The following APC variants were observed in gnomAD, a reference collection of about 807,000 sequenced individuals.
The protein encoded by APC is adenomatous polyposis coli protein.
APC carries 72 observed loss-of-function variants against 247.0 expected under a neutral mutation model. The ratio of observed to expected loss-of-function variants is 0.29; its 90% CI spans 0.24 to 0.35. The LOEUF (loss-of-function observed/expected upper bound fraction) is 0.35, where lower values mean the gene tolerates loss of function less well. Ranked by LOEUF, APC falls within the 10% of genes least tolerant of loss-of-function variation. The pLI is 1.00. For missense variants in APC, 3,400 were observed against 3,360.7 expected (o/e 1.01, Z -0.29); for synonymous variants, 1,254 against 1,162.5 (o/e 1.08, Z -1.60).
intron 1 of APC, among the ~76,000 whole-genome samples, chr5:112,742,019 C>G (rs1460788604): frequency 6.6e-6 from 1 of 152,180 alleles, no homozygotes; most frequent in Non-Finnish European, 1.5e-5. Flanking sequence ...GTTCATTCAT[C>G]TGTCAGTGGA....
At chr5:112,809,348 C>CA (rs1761745903) in intron 8 of APC, among the ~76,000 whole-genome samples, 1 of 151,480 alleles carries the variant, frequency 6.6e-6, no homozygotes, top group South Asian at 2.1e-4. Flanking sequence ...GACCCTGTCT[C>CA]AAAAAAATAA....
chr5:112,845,469 A>G lies in APC; in HGVS notation c.*1343A>G, dbSNP rs1766904910. On this transcript the variant is annotated 3_prime_UTR_variant, in exon 16 of 16. Coordinates refer to ENST00000257430, the MANE Select transcript of APC (RefSeq NM_000038.6). The stretch of plus-strand genomic sequence containing the variant: ...TCTTCTTGTTGCAACTGGGTCTGAC[A>G]TGAACACTTTTTATCACCCTGTATG... 1 of 233,206 alleles carries G rather than the reference A, an allele frequency of 4.3e-6. No homozygotes were observed. The highest frequency in any genetic ancestry group is 1.8e-4 in the South Asian group (1 of 5,528). 14.4% of individuals were successfully genotyped at this position (233,206 alleles called of 1,614,324 possible). A position where few individuals can be genotyped will look rare whatever the true frequency, so the allele number is the denominator to read the frequency against.
Position 112,767,365 on chromosome 5 carries a change from T to C in APC, c.397T>C (p.Tyr133His). 1 of 1,614,072 alleles carries C rather than the reference T, an allele frequency of 6.2e-7. No individual in the cohort carries two copies. Among genetic ancestry groups the C allele is most frequent in the South Asian group, 1.1e-5 (1 of 91,070 alleles). ...AAATGGAAGCAGAGAAAGTACTGGA[T>C]ATTTAGAAGAACTTGAGAAAGAGAG... ...FVNGSRESTGYLEELEKERSL... is the reference protein window; with the variant it reads ...FVNGSRESTGHLEELEKERSL... Residue 133 changes from tyrosine (Y) to histidine (H), a missense_variant, in exon 4 of 16, where the codon TAT (tyrosine) becomes CAT (histidine). Tyr to His is a moderately conservative substitution (Grantham distance 83). Transcript: ENST00000257430.
chr5:112,799,556 C>G (rs1029180690), intron 7 of APC, among the ~76,000 whole-genome samples: 2 of 152,082 alleles, frequency 1.3e-5, no homozygotes, highest in Non-Finnish European at 1.5e-5. Context: ...TATGTTTCCT[C>G]CCTACTTAGA....
intron 1 of APC, among the ~76,000 whole-genome samples, chr5:112,718,709 T>C (rs1751316711): frequency 6.6e-6 from 1 of 152,278 alleles, no homozygotes; most frequent in Non-Finnish European, 1.5e-5. Context: ...TTGGTGCTGT[T>C]AAGATCATTT....
At position 112,845,854 on chromosome 5, in the gene APC, AT is replaced by A. The variant is rs1561628299; in HGVS notation, c.*1730del. On this transcript the variant is annotated 3_prime_UTR_variant, in exon 16 of 16. Coordinates refer to ENST00000257430, the MANE Select transcript of APC (RefSeq NM_000038.6). ...ATGAAAATTTATTTTTAGTGATAAG[AT>A]TCATACACTCTGTATTTGGGGAGGG... is the stretch of plus-strand genomic sequence containing the variant. 4.3e-6 allele frequency: 1 copy of A among 232,234 alleles called. No homozygotes were observed. Among genetic ancestry groups the A allele is most frequent in the Non-Finnish European group, 8.5e-6 (1 of 117,516 alleles). The allele number at this position is 232,234 out of a possible 1,614,324, so 14.4% of individuals were successfully genotyped here.
At chr5:112,812,007 G>GTTCC (rs1762033957) in intron 8 of APC, among the ~76,000 whole-genome samples, 1 of 152,268 alleles carries the variant, frequency 6.6e-6, no homozygotes, top group South Asian at 2.1e-4. Context: ...AGAGACATCA[G>GTTCC]TTCCTTGTTA....
In APC at chr5:112,749,462, T is replaced by G. The variant is rs1754049347; in HGVS notation, c.-18-5411T>G. Among the ~76,000 whole-genome samples, 4 of 150,784 alleles carry G rather than the reference T, an allele frequency of 2.7e-5. No individual in the cohort carries two copies. The South Asian group carries it at 8.4e-4, about 31-fold the overall frequency. ...ATTTGGAGGAGGAGGGGAAAGATATTAATACTTACTGCTCCAATTTTTTTT... is the reference window on the plus strand; with the variant it reads ...ATTTGGAGGAGGAGGGGAAAGATATGAATACTTACTGCTCCAATTTTTTTT... On this transcript the variant is annotated intron_variant, in intron 1 of 15. Coordinates refer to ENST00000257430, the MANE Select transcript of APC (RefSeq NM_000038.6).
chr5:112,747,242 G>GC (rs1395269477), intron 1 of APC, among the ~76,000 whole-genome samples: 3 of 29,728 alleles, frequency 1.0e-4, no homozygotes, highest in East Asian at 5.1e-3. Flanking sequence ...TTTTTCTTGA[G>GC]GGGGGAAAAC....
At chr5:112,778,011 G>T (rs1304302450) in intron 5 of APC, 2 of 196,314 alleles carry the variant, frequency 1.0e-5, no homozygotes, top group African/African-American at 4.7e-5. Context: ...AGGTTCCCAA[G>T]TGTTGTCAAC....
At chr5:112,806,301 A>T (rs1761372198) in intron 8 of APC, among the ~76,000 whole-genome samples, 1 of 152,208 alleles carries the variant, frequency 6.6e-6, no homozygotes, top group Admixed American at 6.5e-5. Context: ...ACTAGACTGT[A>T]AGCTCCAGAA....
At chr5:112,710,768 C>G (rs993947781) in intron 1 of APC, among the ~76,000 whole-genome samples, 1 of 152,134 alleles carries the variant, frequency 6.6e-6, no homozygotes, top group Admixed American at 6.5e-5. Context: ...CTTTTAAAAC[C>G]ACTTTAGTAG....
rs113729520 is a variant in APC at position 112,814,578 on chromosome 5, A to G, written c.835-917A>G. Among the ~76,000 whole-genome samples the G allele has an allele frequency of 8.1e-3, 1,232 of 152,218 alleles. 12 individuals carry two copies. Among genetic ancestry groups the G allele is most frequent in the African/African-American group, 0.028 (1,149 of 41,524 alleles). On this transcript the variant is annotated intron_variant, in intron 8 of 15. Transcript: ENST00000257430. ...CCTTCAAGAGCATCCCCACTTCTCT[A>G]TTCTCACTGCCTTAGTTTGTGCCCT...
intron 2 of APC, among the ~76,000 whole-genome samples, chr5:112,757,819 A>T (rs930815119): frequency 1.3e-5 from 2 of 152,258 alleles, no homozygotes; most frequent in Non-Finnish European, 2.9e-5. Flanking sequence ...ATTTGATTAT[A>T]TGTGTCTTTG....
At chr5:112,752,185 A>G (rs1210346306) in intron 1 of APC, among the ~76,000 whole-genome samples, 1 of 152,114 alleles carries the variant, frequency 6.6e-6, no homozygotes, top group Non-Finnish European at 1.5e-5. Context: ...CTGCCTTCTT[A>G]TTCATATTTT....
intron 8 of APC, among the ~76,000 whole-genome samples, chr5:112,811,137 A>C (rs1761943483): frequency 6.6e-6 from 1 of 152,230 alleles, no homozygotes; most frequent in South Asian, 2.1e-4. Context: ...AAAGCATTGA[A>C]TGTGGATGGT....
Position 112,840,868 on chromosome 5 carries a change from T to A in APC, c.5274T>A (p.Ser1758=), listed in dbSNP as rs199600387. 2.1e-4 allele frequency: 346 copies of A among 1,614,074 alleles called. No homozygotes were observed. Among genetic ancestry groups the A allele is most frequent in the Middle Eastern group, 9.9e-4 (6 of 6,062 alleles). ...TCCAGCAAGCATCTGCGTCTTCTTC[T>A]GCACCCAACAAAAATCAGTTAGATG... ...DQVQQASASS[S]APNKNQLDGK... Residue 1758 remains serine (S), a synonymous_variant, in exon 16 of 16, where the codon TCT becomes TCA. Transcript: ENST00000257430. This position sits in a 1 kb window ranked among gnomAD's most constrained non-coding sequence, Gnocchi z 4.1.
chr5:112,814,440 A>G (rs1160445009), intron 8 of APC, among the ~76,000 whole-genome samples: 2 of 152,068 alleles, frequency 1.3e-5, no homozygotes, highest in Non-Finnish European at 1.5e-5. Flanking sequence ...CCATTTATCC[A>G]AGCTTGACAC....
In APC at chr5:112,707,624, C is replaced by T. The variant is rs1219858068; in HGVS notation, c.-94C>T. The T allele has an allele frequency of 1.5e-6, 2 of 1,296,742 alleles. No individual in the cohort carries two copies. The highest frequency in any genetic ancestry group is 2.0e-6 in the Non-Finnish European group (2 of 976,426). The allele number at this position is 1,296,742 out of a possible 1,614,324, so 80.3% of individuals were successfully genotyped here. A position where few individuals can be genotyped will look rare whatever the true frequency, so the allele number is the denominator to read the frequency against. The stretch of plus-strand genomic sequence containing the variant: ...GGGCTCAGGCCCGGGAGCTGCGGAC[C>T]GAGGTTGGCTCGATGCTGTTCCCAG... On this transcript the variant is annotated 5_prime_UTR_variant, in exon 1 of 14. Transcript: ENST00000507379.
Sources: gnomAD v4.1 joint callset for allele counts (sites outside exome capture counted in the v4.1 genomes callset) on GRCh38, gnomAD v4.1.1 for gene constraint, Gnocchi (gnomAD v3.1) non-coding constraint, MANE v1.5 for transcripts, NCBI Gene and HGNC (gene_info 2026-07-23, HGNC 2026-07-21) for gene names.